ANXA4: variants seen among roughly 807,000 people sequenced by gnomAD.
ANXA4 encodes the protein annexin A4, also known as 35-beta calcimedin.
In ANXA4, 39 loss-of-function variants were observed where a neutral mutation model predicts 49.8. The observed-to-expected ratio is 0.78, with a 90% CI of 0.61 to 1.02. The LOEUF (loss-of-function observed/expected upper bound fraction) is 1.02. Among genes scored for constraint, ANXA4 ranks in the 50% least tolerant of loss-of-function variants. The probability of loss-of-function intolerance (pLI) is 0.00; values close to 1 mark genes in which losing one functional copy is unlikely to be tolerated. For synonymous variants in ANXA4, 134 were observed against 152.5 expected (o/e 0.88, Z 0.89); for missense variants, 360 against 410.1 (o/e 0.88, Z 1.05).
intron 2 of ANXA4, among the ~76,000 whole-genome samples, chr2:69,712,883 C>T (rs1160809617): frequency 3.9e-5 from 6 of 152,174 alleles, no homozygotes; most frequent in Admixed American, 6.5e-5. Flanking sequence ...GGTTTGTGGA[C>T]GCCTACCACC....
In ANXA4 at chr2:69,790,663, C is replaced by G. The variant is rs891308760; in HGVS notation, c.97+2522C>G. Among the ~76,000 whole-genome samples the G allele has an allele frequency of 1.4e-4, 21 of 152,238 alleles. No individual in the cohort carries two copies. The South Asian group carries it at 3.1e-3, about 23-fold the overall frequency. On this transcript the variant is annotated intron_variant, in intron 3 of 12. Coordinates refer to ENST00000394295, the MANE Select transcript of ANXA4 (RefSeq NM_001153.5). ...TACTTTCCCAAAAAAGGGAGAAACC[C>G]TGGGGTTCTAGTTTACCTGGCAGGA...
chr2:69,754,073 G>T (rs2105502261), intron 1 of ANXA4, among the ~76,000 whole-genome samples: 1 of 152,330 alleles, frequency 6.6e-6, no homozygotes, highest in East Asian at 1.9e-4. Context: ...AGATATCATG[G>T]AATATCAGAT....
chr2:69,721,450 G>A lies in ANXA4; in HGVS notation n.864+579G>A, dbSNP rs113991700. 5.9e-3 allele frequency among the ~76,000 whole-genome samples: 906 copies of A among 152,304 alleles called. 13 individuals carry two copies. The highest frequency in any genetic ancestry group is 0.021 in the African/African-American group (877 of 41,560). On this transcript the variant is annotated intron_variant and non_coding_transcript_variant, in intron 3 of 3. Transcript: ENST00000418066. ...TGGCTGGCCTTGGTGGCTGATGCCTGCGATCCCAGCACTTTGGGAGGCTGA... is the reference window on the plus strand; with the variant it reads ...TGGCTGGCCTTGGTGGCTGATGCCTACGATCCCAGCACTTTGGGAGGCTGA...
chr2:69,696,355 T>C (rs540307235), intron 2 of ANXA4, among the ~76,000 whole-genome samples: 1 of 152,214 alleles, frequency 6.6e-6, no homozygotes, highest in East Asian at 1.9e-4. Context: ...AATCATGAGA[T>C]TGCAGCAATT....
intron 2 of ANXA4, among the ~76,000 whole-genome samples, chr2:69,709,531 C>T (rs1678609464): frequency 6.6e-6 from 1 of 152,172 alleles, no homozygotes. Context: ...CAAGGCATGC[C>T]TGACTTCCCA....
At chr2:69,708,834 T>A (rs1264135727) in intron 2 of ANXA4, among the ~76,000 whole-genome samples, 1 of 151,890 alleles carries the variant, frequency 6.6e-6, no homozygotes, top group Non-Finnish European at 1.5e-5. Flanking sequence ...CTGGTCAACA[T>A]GGTGAAACCC....
chr2:69,761,290 A>C (rs1671273819), intron 1 of ANXA4, among the ~76,000 whole-genome samples: 1 of 152,158 alleles, frequency 6.6e-6, no homozygotes, highest in East Asian at 1.9e-4. Flanking sequence ...CAAATTTTTC[A>C]TCAAATGTCT....
chr2:69,740,415 C>A (rs1247337276), upstream of ANXA4, among the ~76,000 whole-genome samples: 4 of 151,712 alleles, frequency 2.6e-5, no homozygotes, highest in Admixed American at 2.6e-4. Context: ...ATTTTTTTTC[C>A]TACTGTTTGA....
intron 2 of ANXA4, among the ~76,000 whole-genome samples, chr2:69,691,846 G>A (rs2105373732): frequency 6.6e-6 from 1 of 152,176 alleles, no homozygotes; most frequent in Non-Finnish European, 1.5e-5. Flanking sequence ...AAGGGAAGGG[G>A]GATTGGTTAC....
intron 3 of ANXA4, among the ~76,000 whole-genome samples, chr2:69,736,104 T>G (rs573101658): frequency 6.6e-6 from 1 of 152,306 alleles, no homozygotes; most frequent in Admixed American, 6.5e-5. Context: ...AGGTCTCCTT[T>G]TAAGACCCAG....
chr2:69,794,730 T>A (rs1046910266), intron 3 of ANXA4, among the ~76,000 whole-genome samples: 5 of 151,920 alleles, frequency 3.3e-5, no homozygotes, highest in East Asian at 3.9e-4. Flanking sequence ...GCCCAGCTAA[T>A]TTTTTTTGCA....
chr2:69,773,854 A>G (rs1573231188), intron 1 of ANXA4, among the ~76,000 whole-genome samples: 1 of 148,690 alleles, frequency 6.7e-6, no homozygotes, highest in South Asian at 2.1e-4. Flanking sequence ...CTGGTCTTGA[A>G]CTCCTGACCT....
chr2:69,688,918 T>C (rs1348847146), intron 2 of ANXA4, among the ~76,000 whole-genome samples: 1 of 152,198 alleles, frequency 6.6e-6, no homozygotes, highest in Non-Finnish European at 1.5e-5. Flanking sequence ...CAATGGGAAA[T>C]GAAATTTAGA....
At chr2:69,749,357 G>C (rs559368167) in intron 1 of ANXA4, among the ~76,000 whole-genome samples, 26 of 152,168 alleles carry the variant, frequency 1.7e-4, no homozygotes, top group African/African-American at 5.5e-4. Context: ...GAGGTAGGAG[G>C]GGGGATGTCT....
intron 3 of ANXA4, among the ~76,000 whole-genome samples, chr2:69,788,609 G>A (rs1382695372): frequency 9.9e-5 from 15 of 151,956 alleles, no homozygotes; most frequent in South Asian, 2.1e-4. Context: ...AGGCTGAGGC[G>A]GGTGGATCAC....
intron 2 of ANXA4, among the ~76,000 whole-genome samples, chr2:69,662,981 T>A (rs1383907633): frequency 7.1e-6 from 1 of 140,242 alleles, no homozygotes; most frequent in Non-Finnish European, 1.5e-5. Flanking sequence ...GATGTCCTGG[T>A]TTTTCTTTTT....
chr2:69,743,295 G>A (rs1670475559), intron 1 of ANXA4, among the ~76,000 whole-genome samples: 1 of 152,024 alleles, frequency 6.6e-6, no homozygotes, highest in African/African-American at 2.4e-5. Context: ...TCTGCTCACT[G>A]CAACCTCCGC....
At chr2:69,788,580 GTAA>G (rs946119913) in intron 3 of ANXA4, among the ~76,000 whole-genome samples, 5 of 152,154 alleles carry the variant, frequency 3.3e-5, no homozygotes, top group East Asian at 3.9e-4. Context: ...GCTCACGCCT[GTAA>G]TCCCAGCACT....
Position 69,720,520 on chromosome 2 carries a change from C to A in ANXA4, n.767-254C>A, listed in dbSNP as rs149261903. On this transcript the variant is annotated intron_variant and non_coding_transcript_variant, in intron 2 of 3. Coordinates refer to the ANXA4 transcript ENST00000418066. ...TCTGCATGGGATGCAGCATGAAGGA[C>A]CTTCCAAGAGTGCAAAGTTATGTAT... is the stretch of plus-strand genomic sequence containing the variant. Among the ~76,000 whole-genome samples, 105 of 152,230 alleles carry A rather than the reference C, an allele frequency of 6.9e-4. 1 individual carries two copies. The highest frequency in any genetic ancestry group is 2.5e-3 in the African/African-American group (102 of 41,538).
Sources: allele counts gnomAD v4.1 joint callset (sites outside exome capture counted in the v4.1 genomes callset), GRCh38; gene constraint gnomAD v4.1.1; transcripts MANE v1.5; gene names NCBI Gene and HGNC (gene_info 2026-07-23, HGNC 2026-07-21).